The following FSTL5 variants were observed in gnomAD, a reference collection of about 807,000 sequenced individuals.
FSTL5 encodes follistatin-related protein 5.
Under a neutral mutation model 89.1 loss-of-function variants are expected in FSTL5, and 62 were observed. That is an observed-to-expected ratio of 0.70 (90% confidence interval 0.57 to 0.86). The LOEUF (loss-of-function observed/expected upper bound fraction) is 0.86, where lower values mean the gene tolerates loss of function less well. Among genes scored for constraint, FSTL5 ranks in the 40% least tolerant of loss-of-function variants. FSTL5 has a pLI of 0.00. For missense variants in FSTL5, 1,057 were observed against 1,001.6 expected (o/e 1.06, Z -0.75); for synonymous variants, 383 against 346.2 (o/e 1.11, Z -1.18).
intron 3 of FSTL5, among the ~76,000 whole-genome samples, chr4:161,967,952 GC>G (rs2111003944): frequency 6.6e-6 from 1 of 151,992 alleles, no homozygotes; most frequent in Non-Finnish European, 1.5e-5. Flanking sequence ...CCAGGAGTTT[GC>G]CTTTAACATC....
At chr4:161,834,756 A>G (rs1730975933) in intron 4 of FSTL5, among the ~76,000 whole-genome samples, 1 of 152,124 alleles carries the variant, frequency 6.6e-6, no homozygotes, top group African/African-American at 2.4e-5. Context: ...GACGTGAAGG[A>G]CCTCTTCAAG....
intron 3 of FSTL5, among the ~76,000 whole-genome samples, chr4:161,939,835 A>G (rs1266121489): frequency 6.6e-6 from 1 of 151,954 alleles, no homozygotes; most frequent in Non-Finnish European, 1.5e-5. Flanking sequence ...AGCCTATCTT[A>G]CCACGGAAAC....
chr4:161,693,636 CTTT>C (rs5863476), intron 6 of FSTL5, among the ~76,000 whole-genome samples: 1 of 105,288 alleles, frequency 9.5e-6, no homozygotes, highest in Non-Finnish European at 1.7e-5. Context: ...TCTTGTAAAT[CTTT>C]TTTTTTTTTT....
At chr4:161,676,476 G>T (rs1363883473) in intron 6 of FSTL5, among the ~76,000 whole-genome samples, 2 of 152,060 alleles carry the variant, frequency 1.3e-5, no homozygotes, top group African/African-American at 4.8e-5. Flanking sequence ...ACACAGGGAG[G>T]GGAACATCAC....
At chr4:161,705,414 A>C (rs1036809210) in intron 6 of FSTL5, among the ~76,000 whole-genome samples, 1 of 152,152 alleles carries the variant, frequency 6.6e-6, no homozygotes, top group Non-Finnish European at 1.5e-5. Context: ...ATTTAAAAGA[A>C]ATGAGAAGTC....
intron 4 of FSTL5, among the ~76,000 whole-genome samples, chr4:161,780,670 G>A (rs1020715826): frequency 1.3e-5 from 2 of 152,162 alleles, no homozygotes; most frequent in Non-Finnish European, 2.9e-5. Context: ...CAGAATCACT[G>A]ACATCCAAAT....
At chr4:161,794,789 T>C (rs920304779) in intron 4 of FSTL5, among the ~76,000 whole-genome samples, 1 of 152,176 alleles carries the variant, frequency 6.6e-6, no homozygotes, top group Non-Finnish European at 1.5e-5. Flanking sequence ...TTGAATTGGA[T>C]TTTGTACTCA....
intron 15 of FSTL5, among the ~76,000 whole-genome samples, chr4:161,438,644 G>C (rs988501904): frequency 1.3e-5 from 2 of 152,098 alleles, no homozygotes; most frequent in African/African-American, 4.8e-5. Context: ...AAAAGTAAAT[G>C]AACAAAATAT....
intron 6 of FSTL5, among the ~76,000 whole-genome samples, chr4:161,714,221 A>G (rs1738899790): frequency 6.6e-6 from 1 of 152,076 alleles, no homozygotes; most frequent in Non-Finnish European, 1.5e-5. Context: ...TAAAGTGTGT[A>G]GAATGATCTG....
At chr4:161,658,352 A>G (rs1044147404) in intron 6 of FSTL5, among the ~76,000 whole-genome samples, 4 of 151,950 alleles carry the variant, frequency 2.6e-5, no homozygotes, top group African/African-American at 9.7e-5. Flanking sequence ...CCTGCTACTC[A>G]GGAGGCTGAG....
intron 8 of FSTL5, among the ~76,000 whole-genome samples, chr4:161,577,473 C>CAAAAAAAAAAAAAAAAA (rs544029134): frequency 9.1e-6 from 1 of 110,226 alleles, no homozygotes. Context: ...AGAAAAAAGA[C>CAAAAAAAAAAAAAAAAA]AAAAAAAAAA....
intron 3 of FSTL5, among the ~76,000 whole-genome samples, chr4:161,959,796 T>C (rs1009819979): frequency 3.3e-5 from 5 of 152,074 alleles, no homozygotes; most frequent in African/African-American, 1.2e-4. Flanking sequence ...AATTCAGAGG[T>C]GTGCTATTGA....
chr4:161,721,856 G>T (rs1315197706), intron 6 of FSTL5, among the ~76,000 whole-genome samples: 1 of 152,190 alleles, frequency 6.6e-6, no homozygotes, highest in East Asian at 1.9e-4. Flanking sequence ...CAAGAAATTA[G>T]TGAGTGAATT....
At chr4:161,622,468 T>C (rs1462488022) in intron 7 of FSTL5, among the ~76,000 whole-genome samples, 1 of 151,876 alleles carries the variant, frequency 6.6e-6, no homozygotes, top group African/African-American at 2.4e-5. Flanking sequence ...CTCTCCTGAA[T>C]ACAGAAAAAA....
At chr4:161,423,550 T>G (rs1388106156) in intron 15 of FSTL5, among the ~76,000 whole-genome samples, 1 of 152,168 alleles carries the variant, frequency 6.6e-6, no homozygotes, top group African/African-American at 2.4e-5. Flanking sequence ...TTTGGCATGA[T>G]AGCTCACTAT....
At chr4:161,626,485 T>A (rs931723298) in intron 7 of FSTL5, among the ~76,000 whole-genome samples, 12 of 152,010 alleles carry the variant, frequency 7.9e-5, no homozygotes, top group Non-Finnish European at 1.3e-4. Flanking sequence ...CATAAAAAAA[T>A]AAAAAACGAT....
chr4:161,477,680 C>A (rs1267319239), intron 13 of FSTL5, among the ~76,000 whole-genome samples: 2 of 151,772 alleles, frequency 1.3e-5, no homozygotes, highest in East Asian at 3.9e-4. Flanking sequence ...TTTATTTAAA[C>A]TATTATTTAA....
chr4:161,522,480 A>C (rs1402223657), intron 10 of FSTL5, among the ~76,000 whole-genome samples: 1 of 151,930 alleles, frequency 6.6e-6, no homozygotes. Context: ...AATGTTGATA[A>C]AATATATACA....
chr4:161,475,141 G>A (rs998144833), intron 13 of FSTL5, among the ~76,000 whole-genome samples: 4 of 151,112 alleles, frequency 2.6e-5, no homozygotes, highest in African/African-American at 9.7e-5. Context: ...TACACAGTAT[G>A]TGTAGAGTTG....
Sources: allele counts gnomAD v4.1 joint callset (sites outside exome capture counted in the v4.1 genomes callset), GRCh38; gene constraint gnomAD v4.1.1; transcripts MANE v1.5; gene names NCBI Gene and HGNC (gene_info 2026-07-23, HGNC 2026-07-21).